The following FARS2 variants were observed in gnomAD, a reference collection of about 807,000 sequenced individuals.
FARS2 encodes the protein phenylalanine--tRNA ligase, mitochondrial.
In FARS2, 40 loss-of-function variants were observed where a neutral mutation model predicts 46.4. That is an observed-to-expected ratio of 0.86 (90% CI 0.67 to 1.12). The LOEUF is 1.12. FARS2 is among the 50% of genes most tolerant of loss of function. The pLI is 0.00. For missense variants in FARS2, 513 were observed against 567.9 expected (o/e 0.90, Z 0.98); for synonymous variants, 234 against 214.9 (o/e 1.09, Z -0.78).
intron 6 of FARS2, among the ~76,000 whole-genome samples, chr6:5,737,946 A>C (rs1226373486): frequency 1.3e-5 from 2 of 152,106 alleles, no homozygotes; most frequent in East Asian, 1.9e-4. Context: ...CGTTGTTATT[A>C]TTCTTGTTGT....
At chr6:5,539,373 A>ATTTTTT in intron 4 of FARS2, among the ~76,000 whole-genome samples, 1 of 81,892 alleles carries the variant, frequency 1.2e-5, no homozygotes, top group Non-Finnish European at 2.1e-5. Context: ...TGCCCACCTA[A>ATTTTTT]TTTTTTTTGT....
chr6:5,263,173 A>G (rs1328780917), intron 1 of FARS2, among the ~76,000 whole-genome samples: 3 of 152,218 alleles, frequency 2.0e-5, no homozygotes, highest in East Asian at 1.9e-4. Flanking sequence ...AATAATTACT[A>G]TATACAATTG....
At chr6:5,695,627 T>G (rs923542987) in intron 6 of FARS2, among the ~76,000 whole-genome samples, 1 of 152,228 alleles carries the variant, frequency 6.6e-6, no homozygotes, top group African/African-American at 2.4e-5. Context: ...TTGTAGAAGG[T>G]CACACCATAT....
At chr6:5,534,165 G>T (rs2150465864) in intron 4 of FARS2, among the ~76,000 whole-genome samples, 1 of 152,258 alleles carries the variant, frequency 6.6e-6, no homozygotes, top group South Asian at 2.1e-4. Flanking sequence ...ATGTGGTGAT[G>T]AGAAAAAATA....
intron 6 of FARS2, among the ~76,000 whole-genome samples, chr6:5,711,284 C>A (rs865847096): frequency 1.4e-4 from 19 of 131,856 alleles, no homozygotes; most frequent in African/African-American, 4.1e-4. Context: ...TAAATGAATG[C>A]GGGATGGATG....
At chr6:5,273,661 A>G (rs887382021) in intron 1 of FARS2, among the ~76,000 whole-genome samples, 4 of 152,120 alleles carry the variant, frequency 2.6e-5, no homozygotes, top group Non-Finnish European at 5.9e-5. Context: ...TTGCTTACAG[A>G]AGCGTTTTTG....
chr6:5,461,898 T>C (rs967613708), intron 4 of FARS2, among the ~76,000 whole-genome samples: 1 of 152,238 alleles, frequency 6.6e-6, no homozygotes, highest in Non-Finnish European at 1.5e-5. Flanking sequence ...ATACAGGTCT[T>C]TATGTGGCCA....
chr6:5,373,864 A>G (rs1008274803), intron 2 of FARS2, among the ~76,000 whole-genome samples: 1 of 152,162 alleles, frequency 6.6e-6, no homozygotes, highest in African/African-American at 2.4e-5. Context: ...CGATACCCGT[A>G]GATTAAAAGA....
At chr6:5,371,088 T>G in intron 2 of FARS2, 1 of 520,578 alleles carries the variant, frequency 1.9e-6, no homozygotes, top group Non-Finnish European at 2.5e-6. Context: ...CATTGCCTGT[T>G]TTTCTGTATT....
At chr6:5,627,602 G>A (rs1041126990) in intron 6 of FARS2, among the ~76,000 whole-genome samples, 3 of 152,220 alleles carry the variant, frequency 2.0e-5, no homozygotes, top group Non-Finnish European at 2.9e-5. Flanking sequence ...TATAGCAATT[G>A]CCACATTGCC....
chr6:5,414,520 A>G (rs1762108764), intron 3 of FARS2, among the ~76,000 whole-genome samples: 1 of 152,162 alleles, frequency 6.6e-6, no homozygotes, highest in Non-Finnish European at 1.5e-5. Flanking sequence ...TATTGTATGT[A>G]TTCTCTGGCT....
At chr6:5,705,683 T>G (rs1294877572) in intron 6 of FARS2, among the ~76,000 whole-genome samples, 1 of 152,188 alleles carries the variant, frequency 6.6e-6, no homozygotes, top group African/African-American at 2.4e-5. Flanking sequence ...TATTTCCTTT[T>G]GTTTGCCTAT....
chr6:5,641,226 G>C (rs1776799794), intron 6 of FARS2, among the ~76,000 whole-genome samples: 1 of 152,154 alleles, frequency 6.6e-6, no homozygotes, highest in South Asian at 2.1e-4. Context: ...CAGTTCACCA[G>C]GCATTTCTGG....
chr6:5,390,705 C>G (rs898542093), intron 2 of FARS2, among the ~76,000 whole-genome samples: 1 of 152,148 alleles, frequency 6.6e-6, no homozygotes. Context: ...CTTCTATTCC[C>G]TTAGTTTAAG....
chr6:5,670,989 A>G (rs1027582679), intron 6 of FARS2, among the ~76,000 whole-genome samples: 1 of 152,132 alleles, frequency 6.6e-6, no homozygotes, highest in Non-Finnish European at 1.5e-5. Context: ...AAAAGACTGG[A>G]ATGTTCACAC....
intron 6 of FARS2, among the ~76,000 whole-genome samples, chr6:5,743,014 G>T (rs977000617): frequency 2.0e-5 from 3 of 151,916 alleles, no homozygotes; most frequent in Non-Finnish European, 2.9e-5. Context: ...GTGGAGTGGG[G>T]TGTATATAAG....
At chr6:5,546,456 T>C (rs1314802844) in intron 5 of FARS2, among the ~76,000 whole-genome samples, 1 of 151,732 alleles carries the variant, frequency 6.6e-6, no homozygotes, top group Non-Finnish European at 1.5e-5. Context: ...TTCACCATGT[T>C]GGCCAGGCTG....
Position 5,318,578 on chromosome 6 carries a change from G to T in FARS2, c.-21-49972G>T, listed in dbSNP as rs184845385. Among the ~76,000 whole-genome samples, 96 of 152,204 alleles carry T rather than the reference G, an allele frequency of 6.3e-4. No homozygotes were observed. The East Asian group carries it at 0.014, about 22-fold the overall frequency. ...GCATCTTAAAAGAGTTGGACAAAAA[G>T]CACAAACAAAGCAAGGCAGCAAAAG... On this transcript the variant is annotated intron_variant, in intron 1 of 6. Coordinates refer to ENST00000274680, the MANE Select transcript of FARS2 (RefSeq NM_006567.5).
At chr6:5,260,602 CGG>C, upstream of FARS2, 6 of 1,203,598 alleles carry the variant, frequency 5.0e-6, no homozygotes, top group Non-Finnish European at 7.0e-6. Flanking sequence ...CCCCGGTCCC[CGG>C]CCCCTGGCCC....
Sources: gnomAD v4.1 joint callset for allele counts (sites outside exome capture counted in the v4.1 genomes callset) on GRCh38, gnomAD v4.1.1 for gene constraint, MANE v1.5 for transcripts, NCBI Gene and HGNC (gene_info 2026-07-23, HGNC 2026-07-21) for gene names.